FARS2: variants seen among roughly 807,000 people sequenced by gnomAD.
The protein encoded by FARS2 is phenylalanine--tRNA ligase, mitochondrial.
Under a neutral mutation model 46.4 loss-of-function variants are expected in FARS2, and 40 were observed. The observed-to-expected ratio is 0.86, with a 90% CI of 0.67 to 1.12. FARS2 has a LOEUF of 1.12. FARS2 is among the 50% of genes most tolerant of loss of function. FARS2 has a pLI of 0.00. For synonymous variants in FARS2, 234 were observed against 214.9 expected (o/e 1.09, Z -0.78); for missense variants, 513 against 567.9 (o/e 0.90, Z 0.98).
At chr6:5,533,930 C>G (rs923530188) in intron 4 of FARS2, among the ~76,000 whole-genome samples, 1 of 152,168 alleles carries the variant, frequency 6.6e-6, no homozygotes, top group African/African-American at 2.4e-5. Flanking sequence ...AAATGTTAAG[C>G]AAAATTATTC....
chr6:5,441,642 T>G (rs536303542), intron 4 of FARS2, among the ~76,000 whole-genome samples: 3 of 152,332 alleles, frequency 2.0e-5, no homozygotes, highest in Admixed American at 6.5e-5. Context: ...AGTTCATTCA[T>G]CCATTCTTTA....
intron 4 of FARS2, among the ~76,000 whole-genome samples, chr6:5,510,387 C>G (rs1220334231): frequency 6.6e-6 from 1 of 152,040 alleles, no homozygotes; most frequent in Non-Finnish European, 1.5e-5. Context: ...TTCCAGGCAA[C>G]CCCAACAGAA....
upstream of FARS2, among the ~76,000 whole-genome samples, chr6:5,257,464 TA>T (rs1394191663): frequency 3.3e-5 from 5 of 152,222 alleles, no homozygotes; most frequent in African/African-American, 1.2e-4. Flanking sequence ...AAGCCATTGA[TA>T]ACAGGTGCCT....
At chr6:5,304,992 GA>G (rs1768594682) in intron 1 of FARS2, among the ~76,000 whole-genome samples, 1 of 152,172 alleles carries the variant, frequency 6.6e-6, no homozygotes. Flanking sequence ...GCAGTAGTGG[GA>G]GGGCACTGGA....
chr6:5,374,212 T>G (rs1759236722), intron 2 of FARS2, among the ~76,000 whole-genome samples: 1 of 152,100 alleles, frequency 6.6e-6, no homozygotes, highest in Non-Finnish European at 1.5e-5. Context: ...ATCATCATCC[T>G]TTCTATTCGT....
At chr6:5,699,510 A>AT (rs376040816) in intron 6 of FARS2, among the ~76,000 whole-genome samples, 7,704 of 142,438 alleles carry the variant, frequency 0.054, 641 homozygotes, top group African/African-American at 0.18. Context: ...ATCACAGGAG[A>AT]TTTTTTTTTT....
intron 5 of FARS2, among the ~76,000 whole-genome samples, chr6:5,563,068 C>A (rs1218491323): frequency 6.8e-6 from 1 of 147,656 alleles, no homozygotes; most frequent in Non-Finnish European, 1.5e-5. Context: ...GAAGAAGCTC[C>A]CCCGTACAGA....
At chr6:5,370,316 C>T (rs949202298) in intron 2 of FARS2, among the ~76,000 whole-genome samples, 3 of 151,852 alleles carry the variant, frequency 2.0e-5, no homozygotes. Flanking sequence ...ACAGTAATAG[C>T]TTAGCCTTAC....
chr6:5,552,917 A>G lies in FARS2; in HGVS notation c.1065+7577A>G, dbSNP rs1029740811. 3.3e-5 allele frequency among the ~76,000 whole-genome samples: 5 copies of G among 152,228 alleles called. No individual in the cohort carries two copies. The South Asian group carries it at 1.0e-3, about 31-fold the overall frequency. ...GAAGCAAAATTTGCTGTTTCAGTGCATTGAACTGAATATTCAATAATAAAA... is the reference window on the plus strand; with the variant it reads ...GAAGCAAAATTTGCTGTTTCAGTGCGTTGAACTGAATATTCAATAATAAAA... On this transcript the variant is annotated intron_variant, in intron 5 of 6. Coordinates refer to ENST00000274680, the MANE Select transcript of FARS2 (RefSeq NM_006567.5).
In FARS2 at chr6:5,546,255, CTTT is replaced by C. The variant is rs70975919; in HGVS notation, c.1065+933_1065+935del. Among the ~76,000 whole-genome samples, 40 of 122,096 alleles carry C rather than the reference CTTT, an allele frequency of 3.3e-4. 1 individual carries two copies. The highest frequency in any genetic ancestry group is 7.9e-4 in the African/African-American group (26 of 32,942). 80.1% of individuals were successfully genotyped at this position (122,096 alleles called of 152,430 possible). The stretch of plus-strand genomic sequence containing the variant: ...GTCTAAGCAGAGAACCAATTTTGTA[CTTT>C]TTTTTTTTTTTTTTTTTAGACAGAA... On this transcript the variant is annotated intron_variant, in intron 5 of 6. Transcript: ENST00000274680.
intron 1 of FARS2, among the ~76,000 whole-genome samples, chr6:5,325,084 C>T (rs72815635): frequency 1.9e-3 from 291 of 152,196 alleles, no homozygotes; most frequent in South Asian, 3.7e-3. Flanking sequence ...TGGTTTTGTT[C>T]GGTCTTTTTA....
chr6:5,612,609 T>TG (rs142942916), intron 5 of FARS2, among the ~76,000 whole-genome samples: 5,341 of 152,204 alleles, frequency 0.035, 299 homozygotes, highest in African/African-American at 0.12. Context: ...TGGAATAAAG[T>TG]GGGGGAAATG....
At chr6:5,530,718 A>G (rs1769771779) in intron 4 of FARS2, among the ~76,000 whole-genome samples, 1 of 147,262 alleles carries the variant, frequency 6.8e-6, no homozygotes, top group South Asian at 2.1e-4. Flanking sequence ...CTATATAGCT[A>G]TATATTTGTA....
intron 4 of FARS2, among the ~76,000 whole-genome samples, chr6:5,469,422 A>G (rs1376643782): frequency 6.6e-6 from 1 of 152,182 alleles, no homozygotes; most frequent in Non-Finnish European, 1.5e-5. Context: ...CCTCCGCTGG[A>G]TACCTTCTTG....
intron 5 of FARS2, among the ~76,000 whole-genome samples, chr6:5,592,690 G>C (rs187932520): frequency 2.6e-5 from 4 of 152,280 alleles, no homozygotes; most frequent in Admixed American, 2.0e-4. Context: ...CAAAACAACC[G>C]ATAGCCAGTA....
intron 1 of FARS2, among the ~76,000 whole-genome samples, chr6:5,366,912 C>T (rs1758719026): frequency 6.6e-6 from 1 of 152,216 alleles, no homozygotes; most frequent in African/African-American, 2.4e-5. Context: ...ACTGCAGTGA[C>T]AAGTCACTGA....
intron 4 of FARS2, among the ~76,000 whole-genome samples, chr6:5,439,341 A>G (rs919481359): frequency 6.6e-6 from 1 of 152,220 alleles, no homozygotes; most frequent in Non-Finnish European, 1.5e-5. Context: ...CTCAACTCGC[A>G]GAATCCCTTT....
chr6:5,442,412 T>TAC (rs1421432834), intron 4 of FARS2, among the ~76,000 whole-genome samples: 30 of 137,012 alleles, frequency 2.2e-4, no homozygotes, highest in Non-Finnish European at 2.9e-4. Context: ...TATATATATA[T>TAC]ATACACACAC....
chr6:5,629,610 G>A (rs752525833), intron 6 of FARS2, among the ~76,000 whole-genome samples: 13 of 152,294 alleles, frequency 8.5e-5, no homozygotes, highest in Middle Eastern at 3.4e-3. Context: ...GGCTTTCCTG[G>A]TAGAAAATGT....
Sources: allele counts gnomAD v4.1 joint callset (sites outside exome capture counted in the v4.1 genomes callset), GRCh38; gene constraint gnomAD v4.1.1; transcripts MANE v1.5; gene names NCBI Gene and HGNC (gene_info 2026-07-23, HGNC 2026-07-21).